The following THSD7B variants were observed in gnomAD, a reference collection of about 807,000 sequenced individuals.
The protein encoded by THSD7B is thrombospondin type-1 domain-containing protein 7B.
A neutral mutation model predicts 213.6 loss-of-function variants in THSD7B; 138 were observed. The observed-to-expected ratio is 0.65, with a 90% CI of 0.56 to 0.74. The LOEUF is 0.74. THSD7B is among the 30% of genes least tolerant of loss of function. The pLI is 0.00. For missense variants in THSD7B, 1,931 were observed against 1,991.5 expected (o/e 0.97, Z 0.58); for synonymous variants, 742 against 687.0 (o/e 1.08, Z -1.25).
At chr2:137,468,443 C>G (rs1472463383) in intron 15 of THSD7B, among the ~76,000 whole-genome samples, 1 of 151,842 alleles carries the variant, frequency 6.6e-6, no homozygotes, top group Non-Finnish European at 1.5e-5. Flanking sequence ...TTGCATGTGT[C>G]TCTCCTGGTT....
chr2:136,956,037 G>A (rs201094332), intron 2 of THSD7B, among the ~76,000 whole-genome samples: 1,854 of 124,554 alleles, frequency 0.015, no homozygotes, highest in East Asian at 0.026. Context: ...AAAAAAAAAA[G>A]AAAAAAAAAA....
intron 1 of THSD7B, among the ~76,000 whole-genome samples, chr2:136,793,145 A>G (rs1681997916): frequency 6.6e-6 from 1 of 152,072 alleles, no homozygotes; most frequent in Admixed American, 6.6e-5. Flanking sequence ...TTTAACTTTT[A>G]AGAAACTGCT....
intron 2 of THSD7B, among the ~76,000 whole-genome samples, chr2:137,012,822 A>C (rs1686255595): frequency 6.6e-6 from 1 of 152,224 alleles, no homozygotes; most frequent in Non-Finnish European, 1.5e-5. Context: ...TGAAACATGA[A>C]CTTATACTTT....
chr2:137,669,421 A>G (rs1434424113), intron 27 of THSD7B, among the ~76,000 whole-genome samples: 1 of 151,346 alleles, frequency 6.6e-6, no homozygotes, highest in Non-Finnish European at 1.5e-5. Flanking sequence ...TCAGTTGGTC[A>G]TTCATCCTAG....
chr2:137,094,870 C>A lies in THSD7B; in HGVS notation c.951-3C>A. ...TCCTATTTTCTACTTCTGTTTTTTT[C>A]AGCCTTTGCCTTCAAGATTCCTTCC... On this transcript the variant is annotated splice_polypyrimidine_tract_variant and splice_region_variant and intron_variant, in intron 3 of 27. Transcript: ENST00000409968. The A allele has an allele frequency of 1.2e-6, 2 of 1,604,498 alleles. No individual in the cohort carries two copies. Among genetic ancestry groups the A allele is most frequent in the South Asian group, 1.1e-5 (1 of 90,058 alleles).
At chr2:137,269,064 G>A (rs939754656) in intron 10 of THSD7B, among the ~76,000 whole-genome samples, 1 of 151,710 alleles carries the variant, frequency 6.6e-6, no homozygotes, top group African/African-American at 2.4e-5. Context: ...CAAACACACA[G>A]AGAGAGAGAG....
intron 2 of THSD7B, among the ~76,000 whole-genome samples, chr2:136,903,978 T>TTGTGTGTGTGTGTGTG (rs1684109810): frequency 1.6e-5 from 1 of 61,314 alleles, no homozygotes; most frequent in Non-Finnish European, 5.3e-5. Context: ...GTGTGTTTGT[T>TTGTGTGTGTGTGTGTG]TGTTTCTGAG....
intron 12 of THSD7B, among the ~76,000 whole-genome samples, chr2:137,294,034 C>T (rs1227034545): frequency 1.3e-5 from 2 of 152,126 alleles, no homozygotes; most frequent in African/African-American, 2.4e-5. Flanking sequence ...AAAGGTCTGT[C>T]GTCCCTCTGC....
intron 9 of THSD7B, among the ~76,000 whole-genome samples, chr2:137,240,671 C>A (rs1235785751): frequency 6.6e-6 from 1 of 152,026 alleles, no homozygotes; most frequent in South Asian, 2.1e-4. Context: ...CCCCCATGCC[C>A]AGCTAATATT....
At chr2:137,209,251 G>A (rs1018645316) in intron 7 of THSD7B, among the ~76,000 whole-genome samples, 6 of 152,060 alleles carry the variant, frequency 3.9e-5, no homozygotes, top group African/African-American at 1.4e-4. Context: ...TGATCAAATA[G>A]AATATTTGCT....
chr2:137,369,317 C>G (rs1048511708), intron 12 of THSD7B, among the ~76,000 whole-genome samples: 1 of 152,024 alleles, frequency 6.6e-6, no homozygotes, highest in African/African-American at 2.4e-5. Flanking sequence ...TTGTTAATTG[C>G]TGTCAGCAGT....
intron 15 of THSD7B, among the ~76,000 whole-genome samples, chr2:137,457,996 T>C (rs954636375): frequency 2.0e-5 from 3 of 152,126 alleles, no homozygotes; most frequent in African/African-American, 7.2e-5. Flanking sequence ...TTTTACATTA[T>C]TAACTAAACA....
At chr2:137,392,265 T>C (rs2104980339) in intron 12 of THSD7B, among the ~76,000 whole-genome samples, 1 of 152,340 alleles carries the variant, frequency 6.6e-6, no homozygotes, top group Admixed American at 6.5e-5. Context: ...GTTAGGTTCA[T>C]TTAGTCTAAA....
chr2:136,860,782 G>T (rs1161603745), intron 1 of THSD7B, among the ~76,000 whole-genome samples: 1 of 152,194 alleles, frequency 6.6e-6, no homozygotes, highest in Non-Finnish European at 1.5e-5. Flanking sequence ...TCACTGTTCT[G>T]TTCAAAATAC....
intron 15 of THSD7B, among the ~76,000 whole-genome samples, chr2:137,475,051 G>T (rs191891205): frequency 3.3e-4 from 51 of 152,264 alleles, no homozygotes; most frequent in South Asian, 1.2e-3. Context: ...ACAGGCCAGT[G>T]ACCTCGATGT....
rs575641407 is a variant in THSD7B, at chr2:137,313,906, G to A, written c.2500+37880G>A. ...TAGTCTGATGGGCTTCCCTTTGAGCGTAACCCGACCTTTCTCTCTGGCTGC... is the reference window on the plus strand; with the variant it reads ...TAGTCTGATGGGCTTCCCTTTGAGCATAACCCGACCTTTCTCTCTGGCTGC... On this transcript the variant is annotated intron_variant, in intron 12 of 27. Transcript: ENST00000409968. Among the ~76,000 whole-genome samples, 37 of 152,246 alleles carry A rather than the reference G, an allele frequency of 2.4e-4. No homozygotes were observed. In the East Asian group the frequency reaches 4.0e-3, roughly 17 times the overall value.
At chr2:137,288,268 C>T (rs1683230188) in intron 12 of THSD7B, among the ~76,000 whole-genome samples, 2 of 152,018 alleles carry the variant, frequency 1.3e-5, no homozygotes, top group Admixed American at 1.3e-4. Context: ...AGTTGTGAAA[C>T]AATGCTTCTT....
intron 2 of THSD7B, among the ~76,000 whole-genome samples, chr2:137,055,007 C>T (rs1330185812): frequency 6.6e-6 from 1 of 152,152 alleles, no homozygotes; most frequent in Non-Finnish European, 1.5e-5. Flanking sequence ...GTTCAACTCC[C>T]ACTTATGAGT....
At chr2:137,668,615 C>A (rs1683497727) in intron 27 of THSD7B, among the ~76,000 whole-genome samples, 1 of 152,084 alleles carries the variant, frequency 6.6e-6, no homozygotes, top group Non-Finnish European at 1.5e-5. Flanking sequence ...ACTGGGGTGC[C>A]TACTCCCCAC....
Sources: gnomAD v4.1 joint callset for allele counts (sites outside exome capture counted in the v4.1 genomes callset) on GRCh38, gnomAD v4.1.1 for gene constraint, MANE v1.5 for transcripts, NCBI Gene and HGNC (gene_info 2026-07-23, HGNC 2026-07-21) for gene names.